Variants in STX2 observed in about 807,000 individuals in gnomAD.
The protein encoded by STX2 is syntaxin-2.
In STX2, 27 loss-of-function variants were observed where a neutral mutation model predicts 40.6. The ratio of observed to expected loss-of-function variants is 0.66; its 90% CI spans 0.49 to 0.92. The LOEUF (loss-of-function observed/expected upper bound fraction) is 0.92. Among genes scored for constraint, STX2 ranks in the 40% least tolerant of loss-of-function variants. STX2 has a pLI of 0.00. For synonymous variants in STX2, 123 were observed against 119.1 expected, an observed-to-expected ratio of 1.03 and a Z score of -0.22; for missense variants, 328 against 366.1, an observed-to-expected ratio of 0.90 and a Z score of 0.85.
intron 8 of STX2, 106 bp from the exon 9 acceptor site, chr12:130,798,741 T>A: frequency 2.8e-6 from 2 of 720,802 alleles, no homozygotes; most frequent in South Asian, 2.7e-5. Flanking sequence ...GATGTGCATG[T>A]AATGGATACT....
chr12:130,796,212 G>A, intron 9 of STX2, 92 bp from the exon 10 acceptor site: 1 of 1,519,932 alleles, frequency 6.6e-7, no homozygotes, highest in Admixed American at 1.9e-5. Context: ...AAAACGACCT[G>A]GCCAGGTGTG....
rs765852336 is a variant in STX2 at position 130,791,897 on chromosome 12, T to G, written c.*126A>C. 52 of 1,611,010 alleles carry G rather than the reference T, an allele frequency of 3.2e-5. No individual in the cohort carries two copies. Among genetic ancestry groups the G allele is most frequent in the Middle Eastern group, 1.6e-4 (1 of 6,076 alleles). On this transcript the variant is annotated 3_prime_UTR_variant, in exon 11 of 11. Transcript: ENST00000392373. ...AGGATAAATGGCTCTTGGGATATGG[T>G]TGCTAGGACAATGTTGTTGCTAGGA...
At chr12:130,814,634 T>A (rs1453450191) in intron 3 of STX2, among the ~76,000 whole-genome samples, 1 of 140,594 alleles carries the variant, frequency 7.1e-6, no homozygotes, top group East Asian at 2.1e-4. Context: ...AGACTTTTTT[T>A]TTTTTTTTTT....
intron 1 of STX2, among the ~76,000 whole-genome samples, chr12:130,830,500 T>C (rs949313112): frequency 2.0e-5 from 3 of 152,232 alleles, no homozygotes; most frequent in Non-Finnish European, 4.4e-5. Context: ...CGCTTGCTGG[T>C]AAACAATTTG....
chr12:130,805,506 G>A (rs1951397623), intron 6 of STX2, among the ~76,000 whole-genome samples: 1 of 152,232 alleles, frequency 6.6e-6, no homozygotes, highest in African/African-American at 2.4e-5. Flanking sequence ...GAGAGATGCA[G>A]AGAGCGAGCT....
At chr12:130,802,063 AAGC>A (rs1272388207) in intron 6 of STX2, among the ~76,000 whole-genome samples, 1 of 152,246 alleles carries the variant, frequency 6.6e-6, no homozygotes, top group African/African-American at 2.4e-5. Flanking sequence ...GTCATCTAAT[AAGC>A]AGCATTATTC....
intron 1 of STX2, among the ~76,000 whole-genome samples, chr12:130,831,596 C>T (rs936922616): frequency 6.6e-6 from 1 of 152,088 alleles, no homozygotes; most frequent in African/African-American, 2.4e-5. Context: ...AGTGATGGTG[C>T]CACTCCAGCC....
At chr12:130,816,749 A>G (rs1336688737) in intron 3 of STX2, among the ~76,000 whole-genome samples, 1 of 152,250 alleles carries the variant, frequency 6.6e-6, no homozygotes, top group Non-Finnish European at 1.5e-5. Context: ...ACTCAGAAGA[A>G]GAAAACCCAA....
At chr12:130,802,040 T>C (rs1951247351) in intron 6 of STX2, among the ~76,000 whole-genome samples, 1 of 152,238 alleles carries the variant, frequency 6.6e-6, no homozygotes, top group Non-Finnish European at 1.5e-5. Flanking sequence ...TGAATAAATG[T>C]CATAATTCAA....
At chr12:130,814,691 C>CA in intron 3 of STX2, among the ~76,000 whole-genome samples, 1 of 132,480 alleles carries the variant, frequency 7.5e-6, no homozygotes, top group Non-Finnish European at 1.5e-5. Context: ...GGCTGGAGTG[C>CA]AGTGGCACAA....
intron 1 of STX2, among the ~76,000 whole-genome samples, chr12:130,831,749 A>G (rs1011147821): frequency 2.6e-5 from 4 of 152,170 alleles, no homozygotes; most frequent in African/African-American, 9.7e-5. Context: ...TACCTATAAT[A>G]AAATGTTATA....
At chr12:130,810,687 T>C (rs907558290) in intron 4 of STX2, 11 of 152,170 alleles carry the variant, frequency 7.2e-5, no homozygotes, top group African/African-American at 2.4e-4. Flanking sequence ...AATGAAAACA[T>C]CAGATGTGTT....
At chr12:130,802,329 TG>T in intron 6 of STX2, among the ~76,000 whole-genome samples, 1 of 152,182 alleles carries the variant, frequency 6.6e-6, no homozygotes, top group African/African-American at 2.4e-5. Context: ...CCCTGAGTGG[TG>T]GGGACTACAC....
chr12:130,822,619 T>C (rs1295144021), intron 2 of STX2, among the ~76,000 whole-genome samples: 1 of 152,176 alleles, frequency 6.6e-6, no homozygotes. Context: ...GCAGGCTGAA[T>C]AATGACCCCA....
intron 3 of STX2, among the ~76,000 whole-genome samples, chr12:130,818,856 A>T (rs1376058060): frequency 6.6e-6 from 1 of 152,224 alleles, no homozygotes; most frequent in Non-Finnish European, 1.5e-5. Context: ...GCCGTCCTGC[A>T]GGGGGAATCC....
chr12:130,808,615 G>A lies in STX2; in HGVS notation c.354+16C>T, dbSNP rs199897932. The A allele has an allele frequency of 4.4e-6, 7 of 1,608,622 alleles. No homozygotes were observed. The highest frequency in any genetic ancestry group is 1.1e-5 in the South Asian group (1 of 89,546). ...TCTGCGACATTACTTTAATCTAAACGAGGCTGATAGCAAACCTGGGTTCTT... is the reference window on the plus strand; with the variant it reads ...TCTGCGACATTACTTTAATCTAAACAAGGCTGATAGCAAACCTGGGTTCTT... On this transcript the variant is annotated intron_variant, in intron 5 of 10. Coordinates refer to ENST00000392373, the MANE Select transcript of STX2 (RefSeq NM_194356.4).
At chr12:130,824,677 C>T (rs1263240179) in intron 2 of STX2, among the ~76,000 whole-genome samples, 1 of 152,184 alleles carries the variant, frequency 6.6e-6, no homozygotes, top group African/African-American at 2.4e-5. Flanking sequence ...CCTGGCCACC[C>T]TTCAGAGCAC....
chr12:130,823,228 C>G (rs1449225833), intron 2 of STX2, among the ~76,000 whole-genome samples: 1 of 152,216 alleles, frequency 6.6e-6, no homozygotes, highest in East Asian at 1.9e-4. Flanking sequence ...AGGAAGATCA[C>G]TTGGGCCCAG....
intron 3 of STX2, among the ~76,000 whole-genome samples, chr12:130,819,063 C>CTA (rs1952010435): frequency 6.6e-6 from 1 of 152,270 alleles, no homozygotes; most frequent in Non-Finnish European, 1.5e-5. Context: ...GTCCACCTCT[C>CTA]TGCCCTGGGA....
Sources: allele counts gnomAD v4.1 joint callset (sites outside exome capture counted in the v4.1 genomes callset), GRCh38; gene constraint gnomAD v4.1.1; transcripts MANE v1.5; gene names NCBI Gene and HGNC (gene_info 2026-07-23, HGNC 2026-07-21).